CSMD1: variants seen among roughly 807,000 people sequenced by gnomAD.
CSMD1 encodes CUB and sushi domain-containing protein 1.
Under a neutral mutation model 417.5 loss-of-function variants are expected in CSMD1, and 213 were observed. The observed-to-expected ratio is 0.51, with a 90% CI of 0.46 to 0.57. The LOEUF (loss-of-function observed/expected upper bound fraction) is 0.57, where lower values mean the gene tolerates loss of function less well. Among genes scored for constraint, CSMD1 ranks in the 20% least tolerant of loss-of-function variants. The pLI, the probability that CSMD1 is intolerant of heterozygous loss-of-function variation, is 0.00. For missense variants in CSMD1, 6,923 were observed against 4,529.7 expected, an observed-to-expected ratio of 1.53 and a Z score of -15.17; for synonymous variants, 2,862 against 1,736.8, an observed-to-expected ratio of 1.65 and a Z score of -16.11.
chr8:4,599,649 T>A (rs12677479), intron 2 of CSMD1, among the ~76,000 whole-genome samples: 59,132 of 151,960 alleles, frequency 0.39, 12,938 homozygotes, highest in East Asian at 0.51. Context: ...AGACATTTGG[T>A]TATTTGTAGG....
intron 3 of CSMD1, among the ~76,000 whole-genome samples, chr8:4,413,577 G>C (rs941957564): frequency 1.3e-5 from 2 of 149,914 alleles, no homozygotes; most frequent in Non-Finnish European, 3.0e-5. Flanking sequence ...TTTTATCATA[G>C]CAAGAACGCT....
intron 7 of CSMD1, among the ~76,000 whole-genome samples, chr8:3,690,113 C>T (rs1400506962): frequency 1.3e-5 from 2 of 152,176 alleles, no homozygotes; most frequent in African/African-American, 4.8e-5. Context: ...AATCCCAGCA[C>T]TTTAGGAGGC....
At chr8:4,786,589 T>C (rs1266780290) in intron 1 of CSMD1, among the ~76,000 whole-genome samples, 1 of 152,192 alleles carries the variant, frequency 6.6e-6, no homozygotes, top group East Asian at 1.9e-4. Context: ...AGTGTGGCAT[T>C]TGAGGCATCA....
intron 2 of CSMD1, among the ~76,000 whole-genome samples, chr8:4,542,706 T>C (rs1797446865): frequency 6.6e-6 from 1 of 152,118 alleles, no homozygotes; most frequent in Non-Finnish European, 1.5e-5. Flanking sequence ...TCTATTTAAA[T>C]TAGGGAACAT....
chr8:4,538,091 G>C (rs1000977650), intron 2 of CSMD1, among the ~76,000 whole-genome samples: 2 of 151,852 alleles, frequency 1.3e-5, no homozygotes, highest in African/African-American at 2.4e-5. Flanking sequence ...TTTCTTGCTA[G>C]GTATCAATAA....
At chr8:4,080,476 C>T (rs753824959) in intron 3 of CSMD1, among the ~76,000 whole-genome samples, 9 of 152,150 alleles carry the variant, frequency 5.9e-5, no homozygotes, top group South Asian at 2.1e-4. Context: ...TTTTATTAAG[C>T]TCTCTGGGTT....
intron 1 of CSMD1, among the ~76,000 whole-genome samples, chr8:4,850,027 G>C (rs937151774): frequency 6.6e-6 from 1 of 152,150 alleles, no homozygotes; most frequent in Non-Finnish European, 1.5e-5. Flanking sequence ...CTCCACATCT[G>C]TGTTACGTAC....
intron 41 of CSMD1, among the ~76,000 whole-genome samples, chr8:3,131,807 A>C (rs1817808275): frequency 6.6e-6 from 1 of 152,186 alleles, no homozygotes; most frequent in Non-Finnish European, 1.5e-5. Context: ...CCTGCCTTTA[A>C]AATGTAAGGA....
intron 3 of CSMD1, among the ~76,000 whole-genome samples, chr8:4,290,108 C>T (rs531860433): frequency 2.0e-5 from 3 of 152,194 alleles, no homozygotes; most frequent in South Asian, 2.1e-4. Context: ...GCAACAAAAC[C>T]AAACGGAATC....
At chr8:3,297,079 A>C (rs1366329805) in intron 25 of CSMD1, among the ~76,000 whole-genome samples, 1 of 152,236 alleles carries the variant, frequency 6.6e-6, no homozygotes, top group African/African-American at 2.4e-5. Context: ...GTTTGCCATT[A>C]AGCAGAAAGC....
chr8:4,018,632 T>A (rs2554594), intron 4 of CSMD1, among the ~76,000 whole-genome samples: 48,022 of 152,186 alleles, frequency 0.32, 8,629 homozygotes, highest in South Asian at 0.47. Context: ...AGCACATGTT[T>A]CTCAAGGAGA....
intron 1 of CSMD1, among the ~76,000 whole-genome samples, chr8:4,666,245 A>G (rs1229551895): frequency 6.6e-6 from 1 of 152,190 alleles, no homozygotes; most frequent in Non-Finnish European, 1.5e-5. Context: ...AGGGGAATCA[A>G]GGTAACAGAT....
rs566536508 is a variant in CSMD1 at position 3,017,957 on chromosome 8, T to G, written c.8029+520A>C. On this transcript the variant is annotated intron_variant, in intron 52 of 69. Transcript: ENST00000635120. The stretch of plus-strand genomic sequence containing the variant: ...TGTTCTTTAAACTGCTTATTCAAGA[T>G]TTTTCATACACTTATTCAAAGAATT... 2.0e-5 allele frequency among the ~76,000 whole-genome samples: 3 copies of G among 152,214 alleles called. No homozygotes were observed. In the East Asian group the frequency reaches 5.8e-4, roughly 29 times the overall value.
chr8:4,029,649 C>T (rs570750947), intron 4 of CSMD1, among the ~76,000 whole-genome samples: 1 of 152,196 alleles, frequency 6.6e-6, no homozygotes, highest in African/African-American at 2.4e-5. Context: ...CATATCATTT[C>T]GCTCCTGGAC....
intron 12 of CSMD1, among the ~76,000 whole-genome samples, chr8:3,452,762 A>G (rs1166686161): frequency 6.6e-6 from 1 of 152,158 alleles, no homozygotes; most frequent in African/African-American, 2.4e-5. Context: ...CATCAGGGAT[A>G]TTGGTCTAAA....
At chr8:4,951,806 T>G (rs974030739) in intron 1 of CSMD1, among the ~76,000 whole-genome samples, 23 of 151,738 alleles carry the variant, frequency 1.5e-4, no homozygotes, top group African/African-American at 5.3e-4. Context: ...TTTCTGAGCC[T>G]TCTCCTTTGC....
intron 9 of CSMD1, among the ~76,000 whole-genome samples, chr8:3,576,249 C>G (rs1227153425): frequency 6.7e-6 from 1 of 148,164 alleles, no homozygotes; most frequent in Non-Finnish European, 1.5e-5. Flanking sequence ...CCAGACATTT[C>G]TCTCTTCCAT....
Position 3,359,200 on chromosome 8 carries a change from G to C in CSMD1, c.3256C>G (p.Leu1086Val). 6.2e-7 allele frequency: 1 copy of C among 1,613,904 alleles called. No homozygotes were observed. The highest frequency in any genetic ancestry group is 2.2e-5 in the East Asian group (1 of 44,830). The change falls in exon 21 of 70, where the codon CTG (leucine) becomes GTG (valine). Residue 1086 changes from leucine (L) to valine (V), a missense_variant. Coordinates refer to ENST00000635120, the MANE Select transcript of CSMD1 (RefSeq NM_033225.6). Reference protein sequence around the residue: ...RLEGATKLTCLGGGRRVWSAP... With the variant: ...RLEGATKLTCVGGGRRVWSAP... ...CTCCACACACGGCGGCCCCCACCCA[G>C]GCAGGTAAGCTTGGTGGCACCTTCT...
chr8:4,729,928 C>G (rs918849136), intron 1 of CSMD1, among the ~76,000 whole-genome samples: 8 of 152,150 alleles, frequency 5.3e-5, no homozygotes, highest in Admixed American at 5.2e-4. Flanking sequence ...TTCATCCTTT[C>G]CATGGAATGA....
Sources: allele counts gnomAD v4.1 joint callset (sites outside exome capture counted in the v4.1 genomes callset), GRCh38; gene constraint gnomAD v4.1.1; transcripts MANE v1.5; gene names NCBI Gene and HGNC (gene_info 2026-07-23, HGNC 2026-07-21).